MYO5B: variants seen among roughly 807,000 people sequenced by gnomAD.
MYO5B encodes unconventional myosin-Vb.
In MYO5B, 143 loss-of-function variants were observed where a neutral mutation model predicts 229.3. The observed-to-expected ratio is 0.62, with a 90% confidence interval of 0.54 to 0.72. The LOEUF is 0.72. Among genes scored for constraint, MYO5B ranks in the 30% least tolerant of loss-of-function variants. The pLI, the probability that MYO5B is intolerant of heterozygous loss-of-function variation, is 0.00. For synonymous variants in MYO5B, 918 were observed against 885.2 expected, an observed-to-expected ratio of 1.04 and a Z score of -0.66; for missense variants, 2,321 against 2,331.0, an observed-to-expected ratio of 1.00 and a Z score of 0.09.
intron 17 of MYO5B, among the ~76,000 whole-genome samples, chr18:49,916,328 C>T (rs923438184): frequency 6.6e-6 from 1 of 152,180 alleles, no homozygotes; most frequent in African/African-American, 2.4e-5. Context: ...ACCTGGAGAA[C>T]AGGAGGACAG....
rs2144009036 is a variant in MYO5B at position 49,825,145 on chromosome 18, A to G, written c.*1326T>C. On this transcript the variant is annotated 3_prime_UTR_variant, in exon 40 of 40. Transcript: ENST00000285039. ...ACCATTTTTTTCTTATGGGAACAGC[A>G]TACTGCTATCAAGAAATACAGAAAA... 1 of 152,346 alleles carries G rather than the reference A, an allele frequency of 6.6e-6. No homozygotes were observed. The highest frequency in any genetic ancestry group is 1.5e-5 in the Non-Finnish European group (1 of 68,032). The allele number at this position is 152,346 out of a possible 1,614,324, so 9.4% of individuals were successfully genotyped here.
intron 33 of MYO5B, among the ~76,000 whole-genome samples, chr18:49,845,528 G>A (rs1232029323): frequency 6.6e-6 from 1 of 152,340 alleles, no homozygotes; most frequent in East Asian, 1.9e-4. Flanking sequence ...TCCTTTGAAA[G>A]CCTCACATTT....
At chr18:50,001,154 G>T in intron 5 of MYO5B, 101 bp downstream of exon 5, 2 of 1,443,510 alleles carry the variant, frequency 1.4e-6, no homozygotes, top group Non-Finnish European at 1.9e-6. Flanking sequence ...GGGCTCTCAG[G>T]GAGAGGCGTG....
chr18:49,926,416 C>T (rs1020905927), intron 17 of MYO5B, among the ~76,000 whole-genome samples: 11 of 152,202 alleles, frequency 7.2e-5, no homozygotes, highest in African/African-American at 2.7e-4. Flanking sequence ...CCCTCCATTC[C>T]CACTTCTGGT....
In MYO5B at chr18:49,826,612, T is replaced by G. The variant is rs1222405497; in HGVS notation, c.5406A>C (p.Gln1802His). The G allele has an allele frequency of 6.2e-7, 1 of 1,613,306 alleles. No individual in the cohort carries two copies. Among genetic ancestry groups the G allele is most frequent in the Non-Finnish European group, 8.5e-7 (1 of 1,179,890 alleles). ...GCAGTTGCTGAGGGTCATTCCGCTCTTGTAGTTGTGCCTATGGGGAAGAAT... is the reference window on the plus strand; with the variant it reads ...GCAGTTGCTGAGGGTCATTCCGCTCGTGTAGTTGTGCCTATGGGGAAGAAT... ...AFIRTIQAQL[Q>H]ERNDPQQLLL... is the part of the protein sequence containing the mutation. The change falls in exon 40 of 40, where the codon CAA becomes CAC. Residue 1802 changes from glutamine (Q) to histidine (H), a missense_variant. This residue lies in a region of MYO5B where 208 missense variants were observed against 286.3 expected (regional missense o/e 0.73). Coordinates refer to ENST00000285039, the MANE Select transcript of MYO5B (RefSeq NM_001080467.3).
chr18:50,017,743 T>C (rs2026231322), intron 4 of MYO5B, among the ~76,000 whole-genome samples: 2 of 152,210 alleles, frequency 1.3e-5, no homozygotes, highest in African/African-American at 2.4e-5. Flanking sequence ...CAAAATCTAA[T>C]TGTTAAATCA....
intron 16 of MYO5B, among the ~76,000 whole-genome samples, chr18:49,930,453 A>T (rs2025177105): frequency 6.6e-6 from 1 of 152,220 alleles, no homozygotes; most frequent in Non-Finnish European, 1.5e-5. Flanking sequence ...GCAGTGTAGA[A>T]TAAAAAGCCA....
chr18:49,966,640 C>T (rs973120107), intron 10 of MYO5B, among the ~76,000 whole-genome samples: 28 of 152,346 alleles, frequency 1.8e-4, no homozygotes, highest in African/African-American at 6.7e-4. Context: ...CTGTGCTAAG[C>T]TCCACAGAGG....
chr18:50,172,950 T>C (rs1259305407), intron 1 of MYO5B, among the ~76,000 whole-genome samples: 1 of 152,222 alleles, frequency 6.6e-6, no homozygotes, highest in Non-Finnish European at 1.5e-5. Flanking sequence ...GCCAGACACC[T>C]GCACTGTTCA....
intron 4 of MYO5B, among the ~76,000 whole-genome samples, chr18:50,035,030 G>A (rs566395143): frequency 7.9e-5 from 12 of 152,158 alleles, no homozygotes; most frequent in African/African-American, 7.2e-5. Context: ...ACTCCCACAC[G>A]TCCTCTTCCC....
intron 36 of MYO5B, among the ~76,000 whole-genome samples, chr18:49,838,710 G>GCGC (rs1211174402): frequency 6.6e-6 from 1 of 152,166 alleles, no homozygotes; most frequent in African/African-American, 2.4e-5. Flanking sequence ...CAAGTACACT[G>GCGC]CTTGGTTCAA....
intron 4 of MYO5B, among the ~76,000 whole-genome samples, chr18:50,021,262 C>G (rs976722557): frequency 1.3e-5 from 2 of 152,178 alleles, no homozygotes; most frequent in Non-Finnish European, 2.9e-5. Flanking sequence ...TAGTGCAAGC[C>G]TGGCAACACT....
At chr18:50,188,234 T>C (rs1286848858) in intron 1 of MYO5B, among the ~76,000 whole-genome samples, 1 of 152,192 alleles carries the variant, frequency 6.6e-6, no homozygotes, top group Non-Finnish European at 1.5e-5. Context: ...GAGAACATCC[T>C]TCTTTACAGC....
chr18:50,029,580 C>T (rs2026366682), intron 4 of MYO5B, among the ~76,000 whole-genome samples: 1 of 152,196 alleles, frequency 6.6e-6, no homozygotes, highest in Non-Finnish European at 1.5e-5. Context: ...ACTCACTGAC[C>T]TCCCCAAGGA....
chr18:49,977,862 T>C (rs1290772721), intron 9 of MYO5B, among the ~76,000 whole-genome samples: 1 of 152,198 alleles, frequency 6.6e-6, no homozygotes, highest in Non-Finnish European at 1.5e-5. Context: ...CTTTCTGGGA[T>C]CTTCACTCCA....
intron 4 of MYO5B, 39 bp downstream of exon 4, chr18:50,036,811 G>C (rs1437698668): frequency 2.5e-6 from 4 of 1,612,860 alleles, no homozygotes; most frequent in Non-Finnish European, 3.4e-6. Flanking sequence ...CCTGCCCACT[G>C]ACTACTCAGG....
At chr18:49,834,645 C>T (rs1488335772) in intron 39 of MYO5B, among the ~76,000 whole-genome samples, 2 of 149,492 alleles carry the variant, frequency 1.3e-5, no homozygotes, top group Non-Finnish European at 3.0e-5. Context: ...CAAATATTGT[C>T]TTTTTTTTTT....
Position 50,194,901 on chromosome 18 carries a change from G to C in MYO5B, c.-108C>G. ...TTCCCGGGCTGGCCTGGAGTTTCTC[G>C]ATCTTCTCGCTCTTCTCCGACCTGC... On this transcript the variant is annotated 5_prime_UTR_variant, in exon 1 of 40. In the 5' UTR this introduces an upstream ATG that the reference lacks. Coordinates refer to ENST00000285039, the MANE Select transcript of MYO5B (RefSeq NM_001080467.3). The C allele has an allele frequency of 8.2e-7, 1 of 1,216,096 alleles. No homozygotes were observed. The highest frequency in any genetic ancestry group is 1.0e-6 in the Non-Finnish European group (1 of 977,378). 75.3% of individuals were successfully genotyped at this position (1,216,096 alleles called of 1,614,324 possible).
At chr18:49,984,901 T>C in intron 7 of MYO5B, 76 bp from the exon 8 acceptor site, 2 of 1,066,312 alleles carry the variant, frequency 1.9e-6, no homozygotes, top group Non-Finnish European at 2.9e-6. Context: ...ATGAAAATTC[T>C]ACTCCGTTAG....
Sources: gnomAD v4.1 joint callset for allele counts (sites outside exome capture counted in the v4.1 genomes callset) on GRCh38, gnomAD v4.1.1 for gene constraint, gnomAD v4.1.1 regional missense constraint, MANE v1.5 for transcripts, NCBI Gene and HGNC (gene_info 2026-07-23, HGNC 2026-07-21) for gene names.